SAMMSON: variants seen among roughly 807,000 people sequenced by gnomAD.
SAMMSON encodes the protein long intergenic non-protein coding RNA 1212.
At chr3:70,312,674 C>T (rs1275876127) in intron 7 of SAMMSON, 1 of 152,136 alleles carries the variant, frequency 6.6e-6, no homozygotes, top group East Asian at 1.9e-4. Context: ...CAAATACACT[C>T]CCTCCCGGGG....
chr3:70,335,031 G>A (rs923129209), intron 7 of SAMMSON, among the ~76,000 whole-genome samples: 4 of 143,436 alleles, frequency 2.8e-5, no homozygotes, highest in East Asian at 4.6e-4. Flanking sequence ...GAATTTCATC[G>A]CAACCCTCAC....
chr3:70,268,182 A>G (rs1469367417), intron 6 of SAMMSON, among the ~76,000 whole-genome samples: 2 of 152,056 alleles, frequency 1.3e-5, no homozygotes, highest in African/African-American at 4.8e-5. Context: ...TATTATCAAC[A>G]TTCTCCGGCT....
intron 7 of SAMMSON, among the ~76,000 whole-genome samples, chr3:70,318,125 G>C (rs2106715209): frequency 6.6e-6 from 1 of 151,822 alleles, no homozygotes; most frequent in Non-Finnish European, 1.5e-5. Context: ...CTTGGGTTTT[G>C]CTGAGATTCT....
At chr3:70,252,207 TG>T (rs1701775898) in intron 6 of SAMMSON, among the ~76,000 whole-genome samples, 1 of 152,172 alleles carries the variant, frequency 6.6e-6, no homozygotes, top group Admixed American at 6.5e-5. Context: ...TTGAACAAAA[TG>T]GGGGAATTCT....
At chr3:70,324,892 T>G (rs1197059278) in intron 7 of SAMMSON, among the ~76,000 whole-genome samples, 1 of 146,802 alleles carries the variant, frequency 6.8e-6, no homozygotes, top group Admixed American at 6.9e-5. Context: ...TTCTCCATCA[T>G]GAGTTGGAAG....
chr3:70,349,836 A>C (rs1254075015), intron 7 of SAMMSON, among the ~76,000 whole-genome samples: 3 of 152,210 alleles, frequency 2.0e-5, no homozygotes, highest in Admixed American at 1.3e-4. Flanking sequence ...AATAATGGGT[A>C]ATTGCCTTAG....
downstream of SAMMSON, among the ~76,000 whole-genome samples, chr3:70,392,121 T>C (rs2106757804): frequency 6.6e-6 from 1 of 152,292 alleles, no homozygotes; most frequent in African/African-American, 2.4e-5. Context: ...ACCTTCTTTT[T>C]TCTTTTCGAA....
rs538495091 is a variant in SAMMSON, at chr3:70,290,814, C to T, written n.675-365C>T. On this transcript the variant is annotated intron_variant and non_coding_transcript_variant, in intron 6 of 9. Coordinates refer to ENST00000642114, the Ensembl canonical transcript of SAMMSON. ...AAGCGCAGTATTCGGGTGGGAGTGACCCGATTTTCCAGGTGCGGTCCTCAC... is the reference window on the plus strand; with the variant it reads ...AAGCGCAGTATTCGGGTGGGAGTGATCCGATTTTCCAGGTGCGGTCCTCAC... Among the ~76,000 whole-genome samples, 18 of 152,268 alleles carry T rather than the reference C, an allele frequency of 1.2e-4. No homozygotes were observed. The South Asian group carries it at 3.3e-3, about 28-fold the overall frequency.
intron 4 of SAMMSON, among the ~76,000 whole-genome samples, chr3:70,232,740 TG>T (rs1180134958): frequency 6.6e-6 from 1 of 152,178 alleles, no homozygotes; most frequent in Non-Finnish European, 1.5e-5. Flanking sequence ...AAATACGTAT[TG>T]TTTTTACCAA....
At chr3:70,041,684 C>T (rs2067106879) in intron 3 of SAMMSON, among the ~76,000 whole-genome samples, 1 of 151,870 alleles carries the variant, frequency 6.6e-6, no homozygotes, top group Non-Finnish European at 1.5e-5. Context: ...TTAAAAAATA[C>T]ACTATAACAA....
At chr3:70,115,413 C>T (rs1436389033) in intron 4 of SAMMSON, among the ~76,000 whole-genome samples, 1 of 152,030 alleles carries the variant, frequency 6.6e-6, no homozygotes, top group Non-Finnish European at 1.5e-5. Context: ...GTTACCTCTT[C>T]AAAGATGTTT....
At chr3:70,008,220 T>C (rs895921432) in intron 1 of SAMMSON, among the ~76,000 whole-genome samples, 2 of 152,168 alleles carry the variant, frequency 1.3e-5, no homozygotes, top group African/African-American at 4.8e-5. Context: ...GCATTGAATC[T>C]CTAAATTACC....
At chr3:70,220,303 T>C (rs1701451306) in intron 4 of SAMMSON, among the ~76,000 whole-genome samples, 2 of 152,108 alleles carry the variant, frequency 1.3e-5, no homozygotes, top group Non-Finnish European at 2.9e-5. Flanking sequence ...CAGTGTCTCA[T>C]GCCTGTAATC....
chr3:70,076,210 AG>A (rs2067248142), intron 4 of SAMMSON, among the ~76,000 whole-genome samples: 2 of 152,060 alleles, frequency 1.3e-5, no homozygotes, highest in African/African-American at 4.8e-5. Flanking sequence ...ATAGAAATTT[AG>A]GGTGAGGGTG....
At chr3:70,152,519 C>A (rs1409235300) in intron 4 of SAMMSON, among the ~76,000 whole-genome samples, 1 of 151,948 alleles carries the variant, frequency 6.6e-6, no homozygotes, top group Non-Finnish European at 1.5e-5. Flanking sequence ...TCCATCAAAA[C>A]ATATAGTATT....
chr3:70,304,022 T>A (rs1702376806), intron 7 of SAMMSON, among the ~76,000 whole-genome samples: 1 of 152,184 alleles, frequency 6.6e-6, no homozygotes, highest in Non-Finnish European at 1.5e-5. Context: ...AGGATAGAGT[T>A]TACTACAATA....
At chr3:70,278,768 C>G (rs1466359915) in intron 6 of SAMMSON, among the ~76,000 whole-genome samples, 2 of 152,072 alleles carry the variant, frequency 1.3e-5, no homozygotes, top group Admixed American at 1.3e-4. Flanking sequence ...CAAGTAATAA[C>G]TAGGAGGCCT....
chr3:70,268,991 T>C (rs1015313242), intron 6 of SAMMSON, among the ~76,000 whole-genome samples: 3 of 152,104 alleles, frequency 2.0e-5, no homozygotes, highest in African/African-American at 7.2e-5. Context: ...TCTTGTATAT[T>C]ACAAAGTTTA....
At chr3:70,249,384 A>G (rs1366909884) in intron 5 of SAMMSON, among the ~76,000 whole-genome samples, 1 of 152,152 alleles carries the variant, frequency 6.6e-6, no homozygotes, top group Non-Finnish European at 1.5e-5. Context: ...TGCAAATATG[A>G]GCATTGATTG....
Sources: gnomAD v4.1 joint callset for allele counts (sites outside exome capture counted in the v4.1 genomes callset) on GRCh38, gnomAD v4.1.1 for gene constraint, MANE v1.5 for transcripts, NCBI Gene and HGNC (gene_info 2026-07-23, HGNC 2026-07-21) for gene names.